The following TMEFF2 variants were observed in gnomAD, a reference collection of about 807,000 sequenced individuals.
TMEFF2 encodes tomoregulin-2.
Under a neutral mutation model 53.8 loss-of-function variants are expected in TMEFF2, and 28 were observed. That is an observed-to-expected ratio of 0.52 (90% CI 0.39 to 0.71). TMEFF2 has a LOEUF of 0.71. TMEFF2 is among the 30% of genes least tolerant of loss of function. The probability of loss-of-function intolerance (pLI) is 0.00; values close to 1 mark genes in which losing one functional copy is unlikely to be tolerated. For synonymous variants in TMEFF2, 162 were observed against 166.3 expected (o/e 0.97, Z 0.20); for missense variants, 353 against 455.2 (o/e 0.78, Z 2.04).
At chr2:192,145,421 T>C (rs1179788966) in intron 4 of TMEFF2, among the ~76,000 whole-genome samples, 1 of 151,950 alleles carries the variant, frequency 6.6e-6, no homozygotes, top group Non-Finnish European at 1.5e-5. Context: ...AGAGTACCCA[T>C]TTTTAAGTAA....
chr2:192,097,463 C>T (rs1017078031), intron 4 of TMEFF2, among the ~76,000 whole-genome samples: 5 of 152,172 alleles, frequency 3.3e-5, no homozygotes, highest in African/African-American at 4.8e-5. Flanking sequence ...TCAATTTAGA[C>T]AATAATTCAC....
chr2:191,981,440 TC>T (rs1685849801), intron 7 of TMEFF2, among the ~76,000 whole-genome samples: 1 of 152,170 alleles, frequency 6.6e-6, no homozygotes, highest in Admixed American at 6.5e-5. Context: ...TCAGCTGGAA[TC>T]CCTGTTCTAT....
intron 4 of TMEFF2, among the ~76,000 whole-genome samples, chr2:192,114,568 C>T (rs753613769): frequency 2.0e-4 from 30 of 151,418 alleles, no homozygotes; most frequent in Non-Finnish European, 3.8e-4. Context: ...AAGAATTCAC[C>T]AAAACTAATG....
chr2:192,117,673 C>T (rs776056319), intron 4 of TMEFF2, among the ~76,000 whole-genome samples: 1 of 152,036 alleles, frequency 6.6e-6, no homozygotes, highest in Admixed American at 6.6e-5. Context: ...CCCCACCCCC[C>T]ACTTTTCTGC....
intron 5 of TMEFF2, among the ~76,000 whole-genome samples, chr2:192,054,806 A>T (rs1456213790): frequency 6.6e-6 from 1 of 152,306 alleles, no homozygotes; most frequent in Admixed American, 6.5e-5. Flanking sequence ...TGGTCCTGCC[A>T]CTTTAACACT....
chr2:192,158,143 T>G (rs1690549210), intron 4 of TMEFF2, among the ~76,000 whole-genome samples: 1 of 152,052 alleles, frequency 6.6e-6, no homozygotes, highest in Non-Finnish European at 1.5e-5. Flanking sequence ...AAAATGTGAA[T>G]TTCACAATAA....
At position 191,956,376 on chromosome 2, in the gene TMEFF2, T is replaced by C; in HGVS notation, c.748A>G (p.Asn250Asp). The C allele has an allele frequency of 6.2e-7, 1 of 1,613,334 alleles. No individual in the cohort carries two copies. The highest frequency in any genetic ancestry group is 8.5e-7 in the Non-Finnish European group (1 of 1,179,716). Residue 250 changes from asparagine (N) to aspartate (D), a missense_variant and splice_region_variant, in exon 8 of 10, where the codon AAT (asparagine) becomes GAT (aspartate). Asn to Asp is a conservative substitution (Grantham distance 23, BLOSUM62 1). Around this residue, in one of 3 missense-constraint regions of TMEFF2, gnomAD observed 294 missense variants for 397.3 expected, o/e 0.74. Transcript: ENST00000272771. The stretch of plus-strand genomic sequence containing the variant: ...GCACTTTCTTCTAATTTGTTAGCAT[T>C]CTCTGTGAATACAGATAAAAGTAAG... ...GHYARTDYAE[N>D]ANKLEESARE...
intron 1 of TMEFF2, among the ~76,000 whole-genome samples, chr2:192,192,910 T>C (rs1283884309): frequency 6.6e-6 from 1 of 152,214 alleles, no homozygotes; most frequent in African/African-American, 2.4e-5. Context: ...CAAGAAGTTA[T>C]AGAAACATGT....
intron 4 of TMEFF2, among the ~76,000 whole-genome samples, chr2:192,154,571 A>G (rs1690462786): frequency 6.6e-6 from 1 of 151,972 alleles, no homozygotes; most frequent in South Asian, 2.1e-4. Flanking sequence ...AATGAATTTT[A>G]TCACTTATTT....
intron 7 of TMEFF2, among the ~76,000 whole-genome samples, chr2:191,979,451 G>C (rs1163960553): frequency 3.3e-5 from 5 of 152,168 alleles, no homozygotes; most frequent in Non-Finnish European, 7.3e-5. Context: ...ACTGTATTAA[G>C]AGGTAGTAAA....
intron 5 of TMEFF2, among the ~76,000 whole-genome samples, chr2:192,009,568 T>A (rs1203041990): frequency 6.6e-6 from 1 of 152,154 alleles, no homozygotes; most frequent in African/African-American, 2.4e-5. Flanking sequence ...ATTATATCAA[T>A]CTTTTACTTA....
intron 4 of TMEFF2, among the ~76,000 whole-genome samples, chr2:192,152,081 C>T (rs1690401865): frequency 6.6e-6 from 1 of 151,756 alleles, no homozygotes; most frequent in Admixed American, 6.6e-5. Flanking sequence ...ATGTGTTACC[C>T]ACAAAAGAAT....
At chr2:192,033,131 T>C (rs1299621232) in intron 5 of TMEFF2, among the ~76,000 whole-genome samples, 2 of 152,188 alleles carry the variant, frequency 1.3e-5, no homozygotes, top group Admixed American at 1.3e-4. Context: ...AGTGTCTGCT[T>C]TGGAGTCAGA....
At chr2:192,105,732 C>A (rs539517736) in intron 4 of TMEFF2, among the ~76,000 whole-genome samples, 2 of 151,910 alleles carry the variant, frequency 1.3e-5, no homozygotes, top group African/African-American at 4.8e-5. Context: ...AACATATATG[C>A]AGAAAATGGA....
chr2:191,995,373 A>ATGAT (rs1395905260), intron 7 of TMEFF2, among the ~76,000 whole-genome samples: 1 of 152,016 alleles, frequency 6.6e-6, no homozygotes, highest in African/African-American at 2.4e-5. Flanking sequence ...TAAGGCAAAA[A>ATGAT]TGATAGTATG....
At chr2:191,969,075 GTT>G (rs1347728375) in intron 7 of TMEFF2, among the ~76,000 whole-genome samples, 1 of 9,950 alleles carries the variant, frequency 1.0e-4, no homozygotes, top group Non-Finnish European at 4.9e-4. Flanking sequence ...TTGTTTCCAG[GTT>G]TATATATATA....
intron 4 of TMEFF2, among the ~76,000 whole-genome samples, chr2:192,154,012 G>T (rs908805438): frequency 2.0e-5 from 3 of 151,872 alleles, no homozygotes; most frequent in African/African-American, 7.2e-5. Flanking sequence ...GAAGGCAGAG[G>T]AAGTTAAATG....
chr2:192,062,953 A>G (rs1005732404), intron 4 of TMEFF2, among the ~76,000 whole-genome samples: 2 of 82,958 alleles, frequency 2.4e-5, no homozygotes, highest in South Asian at 5.7e-4. Context: ...TAGTGAAACT[A>G]TCTAGTCCGG....
At position 192,194,412 on chromosome 2, in the gene TMEFF2, A is replaced by C. The variant is rs1243384435; in HGVS notation, c.113T>G (p.Leu38Arg). The change falls in exon 1 of 10, where the codon CTC (leucine) becomes CGC (arginine). Residue 38 changes from leucine (L) to arginine (R), a missense_variant. Leu to Arg is a moderately radical substitution (Grantham distance 102). This residue lies in a region of TMEFF2 where 5 missense variants were observed against 16.1 expected (regional missense o/e 0.31). Transcript: ENST00000272771. The surrounding 1 kb of genome is among the most constrained non-coding windows in gnomAD (Gnocchi z 4.2). The stretch of plus-strand genomic sequence containing the variant: ...ACTTAAGGAGGTAGGGAAAGCAGCG[A>C]GCTTCACCGGGCGGGCTACGATGAG... ...MLLIVARPVKLAAFPTSLSDC... is the reference protein window; with the variant it reads ...MLLIVARPVKRAAFPTSLSDC... The C allele has an allele frequency of 1.9e-6, 3 of 1,614,020 alleles. No homozygotes were observed. Among genetic ancestry groups the C allele is most frequent in the Non-Finnish European group, 2.5e-6 (3 of 1,179,988 alleles).
Sources: gnomAD v4.1 joint callset for allele counts (sites outside exome capture counted in the v4.1 genomes callset) on GRCh38, gnomAD v4.1.1 for gene constraint, gnomAD v4.1.1 regional missense constraint, Gnocchi (gnomAD v3.1) non-coding constraint, MANE v1.5 for transcripts, NCBI Gene and HGNC (gene_info 2026-07-23, HGNC 2026-07-21) for gene names.